The following SPATA17 variants were observed in gnomAD, a reference collection of about 807,000 sequenced individuals.
The protein encoded by SPATA17 is spermatogenesis associated 17.
SPATA17 carries 53 observed loss-of-function variants against 62.2 expected under a neutral mutation model. The observed-to-expected ratio is 0.85, with a 90% CI of 0.68 to 1.07. The LOEUF (loss-of-function observed/expected upper bound fraction) is 1.07, where lower values mean the gene tolerates loss of function less well. SPATA17 is among the 50% of genes least tolerant of loss of function. The pLI is 0.00. For synonymous variants in SPATA17, 146 were observed against 146.8 expected, an observed-to-expected ratio of 0.99 and a Z score of 0.04; for missense variants, 466 against 425.5, an observed-to-expected ratio of 1.10 and a Z score of -0.84.
At chr1:217,855,968 G>T (rs1029691403) in intron 9 of SPATA17, among the ~76,000 whole-genome samples, 2 of 151,698 alleles carry the variant, frequency 1.3e-5, no homozygotes, top group Non-Finnish European at 2.9e-5. Flanking sequence ...CTCGTGTTCT[G>T]CCCCCCTGAA....
chr1:217,668,193 G>C (rs1670745857), intron 3 of SPATA17, among the ~76,000 whole-genome samples: 1 of 152,072 alleles, frequency 6.6e-6, no homozygotes, highest in Non-Finnish European at 1.5e-5. Context: ...TTAAAAATAT[G>C]TATCTCATTG....
chr1:217,731,210 G>T (rs1672396836), intron 5 of SPATA17, among the ~76,000 whole-genome samples: 2 of 150,604 alleles, frequency 1.3e-5, no homozygotes, highest in African/African-American at 2.4e-5. Flanking sequence ...CCTTTTCATT[G>T]TACACTCTAT....
chr1:217,661,556 G>C (rs1670570318), intron 3 of SPATA17, among the ~76,000 whole-genome samples: 1 of 152,076 alleles, frequency 6.6e-6, no homozygotes, highest in Non-Finnish European at 1.5e-5. Flanking sequence ...GTCTTGTTTT[G>C]TGATTTGTTT....
At chr1:217,790,167 C>G (rs2102981537) in intron 8 of SPATA17, among the ~76,000 whole-genome samples, 1 of 152,280 alleles carries the variant, frequency 6.6e-6, no homozygotes, top group African/African-American at 2.4e-5. Flanking sequence ...CTTCACTTCC[C>G]CCTTATCTGG....
chr1:217,703,002 G>A (rs964560572), intron 5 of SPATA17, among the ~76,000 whole-genome samples: 3 of 150,948 alleles, frequency 2.0e-5, no homozygotes, highest in African/African-American at 7.3e-5. Context: ...TCAGCCTCCT[G>A]AGTAGCTAGT....
At chr1:217,837,439 G>A (rs1443501374) in intron 9 of SPATA17, among the ~76,000 whole-genome samples, 1 of 152,060 alleles carries the variant, frequency 6.6e-6, no homozygotes, top group Non-Finnish European at 1.5e-5. Flanking sequence ...GGGTAATTTG[G>A]GGGTGGTGCT....
chr1:217,804,512 T>C (rs1026550315), intron 9 of SPATA17, among the ~76,000 whole-genome samples: 1 of 152,050 alleles, frequency 6.6e-6, no homozygotes, highest in Admixed American at 6.6e-5. Context: ...CCCAAAAGTA[T>C]AGGCAACAAA....
At chr1:217,753,180 G>T (rs956177720) in intron 6 of SPATA17, among the ~76,000 whole-genome samples, 2 of 152,132 alleles carry the variant, frequency 1.3e-5, no homozygotes, top group African/African-American at 4.8e-5. Context: ...GTCCTACCCT[G>T]TGCCTTGGAA....
chr1:217,850,399 A>T, intron 9 of SPATA17: 3 of 1,108,322 alleles, frequency 2.7e-6, no homozygotes, highest in South Asian at 2.6e-5. Context: ...AAGACTGAAG[A>T]ACTAACAGCC....
At chr1:217,671,892 A>G (rs1292883397) in intron 4 of SPATA17, among the ~76,000 whole-genome samples, 1 of 152,232 alleles carries the variant, frequency 6.6e-6, no homozygotes, top group Non-Finnish European at 1.5e-5. Flanking sequence ...GAGGTTTGAG[A>G]TGGGTTAACT....
chr1:217,653,207 C>A (rs1195196338), intron 3 of SPATA17, among the ~76,000 whole-genome samples: 3 of 152,120 alleles, frequency 2.0e-5, no homozygotes, highest in Non-Finnish European at 4.4e-5. Flanking sequence ...CTCAGGAAAC[C>A]TCTTACATTT....
intron 6 of SPATA17, among the ~76,000 whole-genome samples, chr1:217,762,959 A>G (rs776773216): frequency 3.3e-5 from 5 of 152,224 alleles, no homozygotes; most frequent in African/African-American, 4.8e-5. Flanking sequence ...GTCTCAAAAA[A>G]ACCAAAAACA....
intron 9 of SPATA17, among the ~76,000 whole-genome samples, chr1:217,826,362 G>A (rs747243428): frequency 2.0e-5 from 3 of 152,092 alleles, no homozygotes; most frequent in Non-Finnish European, 4.4e-5. Flanking sequence ...TCACATTGGA[G>A]TATAGAGCTT....
intron 9 of SPATA17, among the ~76,000 whole-genome samples, chr1:217,821,941 A>AT (rs1295247203): frequency 6.6e-6 from 1 of 152,074 alleles, no homozygotes; most frequent in Non-Finnish European, 1.5e-5. Flanking sequence ...TGATTTTGTG[A>AT]TTTTGGCAAT....
At chr1:217,701,688 A>G (rs1369089776) in intron 5 of SPATA17, among the ~76,000 whole-genome samples, 1 of 152,066 alleles carries the variant, frequency 6.6e-6, no homozygotes, top group Non-Finnish European at 1.5e-5. Context: ...CACCTGGCCT[A>G]TACTATTTTT....
chr1:217,829,925 C>T (rs920194821), intron 9 of SPATA17, among the ~76,000 whole-genome samples: 1 of 151,658 alleles, frequency 6.6e-6, no homozygotes, highest in Admixed American at 6.6e-5. Context: ...TTTAGCTGCC[C>T]TTGTCACAAA....
At chr1:217,850,772 T>G (rs80214498) in intron 9 of SPATA17, 18,093 of 582,452 alleles carry the variant, frequency 0.031, 556 homozygotes, top group Middle Eastern at 0.1. Flanking sequence ...TATTTTTATG[T>G]ATATTTGAAT....
In SPATA17 at chr1:217,867,577, T is replaced by A. The variant is rs1676041954; in HGVS notation, c.*558T>A. ...TAGGCACTCTCAAATAGAGAAGACA[T>A]TTGCAAGTCTCTGCTGCCAAGGGAG... On this transcript the variant is annotated 3_prime_UTR_variant, in exon 11 of 11. Transcript: ENST00000366933. The A allele has an allele frequency of 6.6e-6, 1 of 152,142 alleles. No individual in the cohort carries two copies. The highest frequency in any genetic ancestry group is 2.1e-4 in the South Asian group (1 of 4,826). The allele number at this position is 152,142 out of a possible 1,614,324, so 9.4% of individuals were successfully genotyped here. A position where few individuals can be genotyped will look rare whatever the true frequency, so the allele number is the denominator to read the frequency against.
At chr1:217,813,230 T>C (rs1478390078) in intron 9 of SPATA17, among the ~76,000 whole-genome samples, 1 of 152,160 alleles carries the variant, frequency 6.6e-6, no homozygotes, top group Non-Finnish European at 1.5e-5. Flanking sequence ...CTGTGACTGC[T>C]TGCCCATTGC....
Sources: allele counts gnomAD v4.1 joint callset (sites outside exome capture counted in the v4.1 genomes callset), GRCh38; gene constraint gnomAD v4.1.1; transcripts MANE v1.5; gene names NCBI Gene and HGNC (gene_info 2026-07-23, HGNC 2026-07-21).